ASAH2: variants seen among roughly 807,000 people sequenced by gnomAD.
The protein encoded by ASAH2 is N-acylsphingosine amidohydrolase 2.
In ASAH2, 58 loss-of-function variants were observed where a neutral mutation model predicts 82.9. The observed-to-expected ratio is 0.70, with a 90% CI of 0.57 to 0.87. The LOEUF is 0.87. Among genes scored for constraint, ASAH2 ranks in the 40% least tolerant of loss-of-function variants. The pLI, the probability that ASAH2 is intolerant of heterozygous loss-of-function variation, is 0.00. For missense variants in ASAH2, 779 were observed against 834.0 expected (o/e 0.93, Z 0.81); for synonymous variants, 276 against 289.7 (o/e 0.95, Z 0.48).
At position 50,194,418 on chromosome 10, in the gene ASAH2, C is replaced by T. The variant is rs562194531; in HGVS notation, c.2005-1706G>A. On this transcript the variant is annotated intron_variant, in intron 18 of 20. Transcript: ENST00000682911. The stretch of plus-strand genomic sequence containing the variant: ...TGTCACCTCAGTAGAAAAAAAATTG[C>T]AAAACTCCAACACTGATTTCTGACA... Among the ~76,000 whole-genome samples, 8 of 151,650 alleles carry T rather than the reference C, an allele frequency of 5.3e-5. No homozygotes were observed. In the South Asian group the frequency reaches 1.7e-3, roughly 32 times the overall value.
intron 7 of ASAH2, among the ~76,000 whole-genome samples, chr10:50,225,522 C>T (rs1050224426): frequency 8.5e-5 from 13 of 152,188 alleles, no homozygotes; most frequent in East Asian, 1.9e-4. Flanking sequence ...TGAGCCAAAC[C>T]GTGAATTGAA....
At chr10:50,201,473 T>C (rs1845145974) in intron 16 of ASAH2, among the ~76,000 whole-genome samples, 2 of 152,118 alleles carry the variant, frequency 1.3e-5, no homozygotes, top group Admixed American at 6.6e-5. Context: ...CCTTGGCTCC[T>C]GCACCTGCCT....
intron 13 of ASAH2, among the ~76,000 whole-genome samples, chr10:50,205,224 G>T (rs931316405): frequency 6.1e-4 from 92 of 151,840 alleles, no homozygotes; most frequent in Non-Finnish European, 9.0e-4. Context: ...GAGTACTGTT[G>T]GTGACTATTC....
chr10:50,220,064 C>T (rs1224242020), intron 7 of ASAH2, among the ~76,000 whole-genome samples: 1 of 152,178 alleles, frequency 6.6e-6, no homozygotes, highest in Non-Finnish European at 1.5e-5. Context: ...CATTAAGAGA[C>T]TTAAAACTTG....
At chr10:50,216,714 T>C (rs1232177779) in intron 8 of ASAH2, among the ~76,000 whole-genome samples, 1 of 152,220 alleles carries the variant, frequency 6.6e-6, no homozygotes, top group Non-Finnish European at 1.5e-5. Context: ...GCAAGTCCTC[T>C]GCCTCAACCC....
At chr10:50,228,944 C>A (rs1003868166) in intron 7 of ASAH2, among the ~76,000 whole-genome samples, 14 of 152,120 alleles carry the variant, frequency 9.2e-5, no homozygotes, top group African/African-American at 3.4e-4. Flanking sequence ...AAAAGCAAGA[C>A]AAAGCCTTTT....
At chr10:50,211,983 G>A (rs1377021038) in intron 10 of ASAH2, among the ~76,000 whole-genome samples, 3 of 152,152 alleles carry the variant, frequency 2.0e-5, no homozygotes, top group Admixed American at 6.5e-5. Flanking sequence ...TGACACTAAA[G>A]TGTGTCATGG....
chr10:50,202,924 C>T lies in ASAH2; in HGVS notation c.1666G>A (p.Glu556Lys), dbSNP rs1845193874. Residue 556 changes from glutamate to lysine, a missense_variant and splice_region_variant, in exon 16 of 21, where the codon GAA (glutamate) becomes AAA (lysine). By Grantham distance (56) the Glu-to-Lys change is moderately conservative (BLOSUM62 1). Around this residue, in one of 3 missense-constraint regions of ASAH2, gnomAD observed 759 missense variants for 755.2 expected, o/e 1.00. Transcript: ENST00000682911. ...TTCTGCATCCCATGAGATGCAAATT[C>T]CTAGGAGAGAAAGGTAAAACCCAAT... is the stretch of plus-strand genomic sequence containing the variant. ...GRRLREAVQAEFASHGMQNMT... is the reference protein window; with the variant it reads ...GRRLREAVQAKFASHGMQNMT... The T allele has an allele frequency of 1.9e-6, 3 of 1,600,578 alleles. No homozygotes were observed. Among genetic ancestry groups the T allele is most frequent in the Non-Finnish European group, 2.6e-6 (3 of 1,168,274 alleles).
At position 50,214,836 on chromosome 10, in the gene ASAH2, G is replaced by T; in HGVS notation, c.1047C>A (p.Asn349Lys). 1 of 1,613,706 alleles carries T rather than the reference G, an allele frequency of 6.2e-7. No homozygotes were observed. The highest frequency in any genetic ancestry group is 8.5e-7 in the Non-Finnish European group (1 of 1,179,674). Residue 349 changes from asparagine to lysine, a missense_variant, in exon 9 of 21, where the codon AAC (asparagine) becomes AAA (lysine). Physicochemically the swap from Asn to Lys is moderately conservative, Grantham distance 94. This residue lies in a region of ASAH2 where 759 missense variants were observed against 755.2 expected (regional missense o/e 1.00). Coordinates refer to ENST00000682911, the MANE Select transcript of ASAH2 (RefSeq NM_019893.4). Reference protein sequence around the residue: ...GPFVAAFASSNLGDVSPNILG... With the variant: ...GPFVAAFASSKLGDVSPNILG... ...GAATGTTGGGGGACACATCTCCTAG[G>T]TTTGATGAAGCAAAGGCTGCTACAA...
At chr10:50,211,601 T>C (rs892992) in intron 10 of ASAH2, among the ~76,000 whole-genome samples, 27,864 of 152,114 alleles carry the variant, frequency 0.18, 3,174 homozygotes, top group East Asian at 0.33. Flanking sequence ...TCTGCAGCAC[T>C]TCGCCCACCC....
At chr10:50,203,770 C>T in intron 14 of ASAH2, 91 bp from the exon 15 acceptor site, 1 of 1,069,232 alleles carries the variant, frequency 9.4e-7, no homozygotes, top group African/African-American at 1.5e-5. Flanking sequence ...AAAAATTACC[C>T]TGGCTCATCA....
At chr10:50,250,301 C>T (rs1030263851) in intron 1 of ASAH2, among the ~76,000 whole-genome samples, 1 of 152,186 alleles carries the variant, frequency 6.6e-6, no homozygotes, top group African/African-American at 2.4e-5. Flanking sequence ...TAACAGCAGA[C>T]ACTTCAGAGG....
chr10:50,241,637 C>T, intron 4 of ASAH2, among the ~76,000 whole-genome samples: 1 of 152,146 alleles, frequency 6.6e-6, no homozygotes, highest in East Asian at 1.9e-4. Context: ...TTGGATCCAA[C>T]CCAAATGTCC....
At chr10:50,247,394 AC>A (rs1235774881) in intron 2 of ASAH2, among the ~76,000 whole-genome samples, 3 of 151,346 alleles carry the variant, frequency 2.0e-5, no homozygotes, top group East Asian at 3.9e-4. Flanking sequence ...CAAACTCTTG[AC>A]CTCAGGTGAT....
Position 50,212,955 on chromosome 10 carries a change from C to A in ASAH2, c.1227+17G>T, listed in dbSNP as rs1488223229. ...CAATTTTAAACAAAGATTAAAGGAGCGAGGCCCATGGCTTACCTTTGCTCT... is the reference window on the plus strand; with the variant it reads ...CAATTTTAAACAAAGATTAAAGGAGAGAGGCCCATGGCTTACCTTTGCTCT... On this transcript the variant is annotated intron_variant, in intron 10 of 20. Transcript: ENST00000682911. 6.2e-7 allele frequency: 1 copy of A among 1,606,424 alleles called. No homozygotes were observed. Among genetic ancestry groups the A allele is most frequent in the Non-Finnish European group, 8.5e-7 (1 of 1,173,208 alleles).
intron 5 of ASAH2, among the ~76,000 whole-genome samples, chr10:50,235,555 A>G (rs1205553867): frequency 6.6e-6 from 1 of 152,072 alleles, no homozygotes; most frequent in African/African-American, 2.4e-5. Context: ...TGGCTCCTTC[A>G]TGGGTTTCTC....
intron 7 of ASAH2, among the ~76,000 whole-genome samples, chr10:50,219,575 T>A (rs924353704): frequency 6.6e-6 from 1 of 152,198 alleles, no homozygotes; most frequent in Non-Finnish European, 1.5e-5. Context: ...TCAGGTTAAC[T>A]TAGAATTTAA....
chr10:50,200,895 C>G (rs1174224004), intron 16 of ASAH2, among the ~76,000 whole-genome samples: 4 of 152,092 alleles, frequency 2.6e-5, no homozygotes, highest in Non-Finnish European at 5.9e-5. Flanking sequence ...TGGCCCTAAA[C>G]AAGAACAAGC....
chr10:50,197,297 G>A (rs1438763934), intron 17 of ASAH2, among the ~76,000 whole-genome samples: 104 of 151,758 alleles, frequency 6.9e-4, no homozygotes, highest in African/African-American at 2.3e-3. Flanking sequence ...TTTTTAAAAA[G>A]TATTGAGCCA....
Sources: allele counts gnomAD v4.1 joint callset (sites outside exome capture counted in the v4.1 genomes callset), GRCh38; gene constraint gnomAD v4.1.1; regional missense constraint gnomAD v4.1.1; transcripts MANE v1.5; gene names NCBI Gene and HGNC (gene_info 2026-07-23, HGNC 2026-07-21).